Variants in SPIDR observed in about 807,000 individuals in gnomAD.
SPIDR encodes DNA repair-scaffolding protein.
Under a neutral mutation model 104.6 loss-of-function variants are expected in SPIDR, and 93 were observed. The observed-to-expected ratio is 0.89, with a 90% CI of 0.75 to 1.06. The LOEUF (loss-of-function observed/expected upper bound fraction) is 1.06, where lower values mean the gene tolerates loss of function less well. Among genes scored for constraint, SPIDR ranks in the 50% least tolerant of loss-of-function variants. The probability of loss-of-function intolerance (pLI) is 0.00; values close to 1 mark genes in which losing one functional copy is unlikely to be tolerated. For synonymous variants in SPIDR, 431 were observed against 416.9 expected, an observed-to-expected ratio of 1.03 and a Z score of -0.41; for missense variants, 1,154 against 1,111.2, an observed-to-expected ratio of 1.04 and a Z score of -0.55.
rs192993101 is a variant in SPIDR at position 47,682,311 on chromosome 8, G to A, written c.1685+8370G>A. Among the ~76,000 whole-genome samples, 80 of 150,300 alleles carry A rather than the reference G, an allele frequency of 5.3e-4. 1 individual carries two copies. The highest frequency in any genetic ancestry group is 5.0e-3 in the Admixed American group (76 of 15,068). ...AAAGGTCTCATGCCTTGTGACTCCCGTATTGTGAAATGTCCAGACCAGGCA... is the reference window on the plus strand; with the variant it reads ...AAAGGTCTCATGCCTTGTGACTCCCATATTGTGAAATGTCCAGACCAGGCA... On this transcript the variant is annotated intron_variant, in intron 11 of 19. Transcript: ENST00000297423.
intron 10 of SPIDR, among the ~76,000 whole-genome samples, chr8:47,611,214 G>T (rs1029240658): frequency 6.6e-6 from 1 of 152,138 alleles, no homozygotes; most frequent in African/African-American, 2.4e-5. Flanking sequence ...GCTAGAAATT[G>T]CCAGGAATAC....
chr8:47,265,127 A>G (rs1554545606), intron 1 of SPIDR, among the ~76,000 whole-genome samples: 5 of 151,286 alleles, frequency 3.3e-5, no homozygotes, highest in Non-Finnish European at 1.5e-5. Context: ...GTCTCATTGA[A>G]TGATTTACTG....
chr8:47,297,146 C>T (rs942254247), intron 5 of SPIDR, among the ~76,000 whole-genome samples: 1 of 152,146 alleles, frequency 6.6e-6, no homozygotes, highest in Non-Finnish European at 1.5e-5. Flanking sequence ...ATATGTGAGA[C>T]CATGACATCA....
intron 5 of SPIDR, among the ~76,000 whole-genome samples, chr8:47,369,683 T>C (rs1422083850): frequency 6.6e-6 from 1 of 152,240 alleles, no homozygotes; most frequent in Non-Finnish European, 1.5e-5. Flanking sequence ...TGTGTCATAA[T>C]AGGCAGTTGG....
chr8:47,678,048 A>G (rs1054736352), intron 11 of SPIDR, among the ~76,000 whole-genome samples: 4 of 152,136 alleles, frequency 2.6e-5, no homozygotes, highest in East Asian at 1.9e-4. Context: ...CAAAAAAAAA[A>G]AAAAAGAAAA....
At chr8:47,486,509 G>C (rs189734340) in intron 8 of SPIDR, among the ~76,000 whole-genome samples, 6 of 152,230 alleles carry the variant, frequency 3.9e-5, no homozygotes, top group Admixed American at 2.6e-4. Context: ...ACGCCACAAA[G>C]ATACTCCTCG....
intron 10 of SPIDR, among the ~76,000 whole-genome samples, chr8:47,639,748 G>C (rs1406248821): frequency 6.6e-6 from 1 of 152,108 alleles, no homozygotes; most frequent in Non-Finnish European, 1.5e-5. Context: ...AGGAGTTCAA[G>C]ACCAGCCAGG....
At chr8:47,316,752 T>C (rs587675532) in intron 5 of SPIDR, among the ~76,000 whole-genome samples, 46 of 152,340 alleles carry the variant, frequency 3.0e-4, no homozygotes, top group African/African-American at 1.1e-3. Context: ...GGAAGTATTT[T>C]ATTTCTTGTT....
chr8:47,510,264 A>AT (rs1405735158), intron 8 of SPIDR, among the ~76,000 whole-genome samples: 1 of 152,256 alleles, frequency 6.6e-6, no homozygotes, highest in Non-Finnish European at 1.5e-5. Context: ...TCTATGTGTA[A>AT]TTATGTGTGC....
chr8:47,730,277 T>C (rs1450241183), intron 19 of SPIDR, among the ~76,000 whole-genome samples: 1 of 152,188 alleles, frequency 6.6e-6, no homozygotes, highest in African/African-American at 2.4e-5. Context: ...TTCTGCTGTG[T>C]GAAATTTGAC....
At chr8:47,461,778 T>A (rs1452545597) in intron 8 of SPIDR, among the ~76,000 whole-genome samples, 5 of 152,092 alleles carry the variant, frequency 3.3e-5, no homozygotes, top group African/African-American at 4.8e-5. Context: ...GATTTTTTTT[T>A]AATTTATGCT....
chr8:47,270,530 C>G (rs112421592), intron 1 of SPIDR, among the ~76,000 whole-genome samples: 1 of 151,936 alleles, frequency 6.6e-6, no homozygotes, highest in African/African-American at 2.4e-5. Flanking sequence ...TTCTCTTCCC[C>G]GCCCCCAAAC....
In SPIDR at chr8:47,508,408, A is replaced by G. The variant is rs184025136; in HGVS notation, c.1097+67866A>G. Among the ~76,000 whole-genome samples the G allele has an allele frequency of 1.7e-4, 26 of 152,262 alleles. 1 individual carries two copies. The highest frequency in any genetic ancestry group is 6.0e-4 in the African/African-American group (25 of 41,564). On this transcript the variant is annotated intron_variant, in intron 8 of 19. Transcript: ENST00000297423. ...TTTGATTAACTGGAGTTTCTCCTTG[A>G]TAAAGTTTGGTATAATCCACTGTCA...
chr8:47,573,716 A>G (rs1436208744), intron 8 of SPIDR, among the ~76,000 whole-genome samples: 1 of 152,226 alleles, frequency 6.6e-6, no homozygotes, highest in Non-Finnish European at 1.5e-5. Context: ...CACTTTTGGA[A>G]GACCAATAAT....
At chr8:47,569,238 ACCTAACAAAGGTG>A (rs2058244095) in intron 8 of SPIDR, among the ~76,000 whole-genome samples, 1 of 152,166 alleles carries the variant, frequency 6.6e-6, no homozygotes, top group Admixed American at 6.5e-5. Flanking sequence ...ATATATATAC[ACCTAACAAAGGTG>A]CCCCAGAATA....
intron 8 of SPIDR, among the ~76,000 whole-genome samples, chr8:47,513,316 TAGAC>T (rs1393809056): frequency 6.6e-6 from 1 of 152,184 alleles, no homozygotes; most frequent in African/African-American, 2.4e-5. Flanking sequence ...AATAGAAAAA[TAGAC>T]AGTAATTGAA....
intron 16 of SPIDR, 144 bp downstream of exon 16, chr8:47,713,785 T>C: frequency 1.7e-6 from 2 of 1,144,570 alleles, no homozygotes; most frequent in Non-Finnish European, 2.4e-6. Flanking sequence ...AAGCAGAAAT[T>C]GTTCTTGGTA....
chr8:47,707,269 A>T (rs1388459247), intron 14 of SPIDR, among the ~76,000 whole-genome samples: 1 of 151,918 alleles, frequency 6.6e-6, no homozygotes, highest in Non-Finnish European at 1.5e-5. Context: ...AAAAAAAAAA[A>T]AATTCATTAA....
chr8:47,373,188 T>G (rs1268488229), intron 5 of SPIDR, among the ~76,000 whole-genome samples: 1 of 152,218 alleles, frequency 6.6e-6, no homozygotes, highest in African/African-American at 2.4e-5. Flanking sequence ...GTCTCCTATT[T>G]CCTAATTGAA....
Sources: allele counts gnomAD v4.1 joint callset (sites outside exome capture counted in the v4.1 genomes callset), GRCh38; gene constraint gnomAD v4.1.1; transcripts MANE v1.5; gene names NCBI Gene and HGNC (gene_info 2026-07-23, HGNC 2026-07-21).